Variants in ABCB5 observed in about 807,000 individuals in gnomAD.
ABCB5 encodes the protein ATP-binding cassette sub-family B member 5.
In ABCB5, 155 loss-of-function variants were observed where a neutral mutation model predicts 144.2. The observed-to-expected ratio is 1.08, with a 90% CI of 0.94 to 1.23. The LOEUF (loss-of-function observed/expected upper bound fraction) is 1.23, where lower values mean the gene tolerates loss of function less well. Among genes scored for constraint, ABCB5 ranks in the 50% most tolerant of loss-of-function variants. The pLI is 0.00. For missense variants in ABCB5, 1,830 were observed against 1,520.8 expected (o/e 1.20, Z -3.38); for synonymous variants, 610 against 528.6 (o/e 1.15, Z -2.11).
chr7:20,733,740 G>A (rs942232738), intron 23 of ABCB5, among the ~76,000 whole-genome samples: 1 of 151,712 alleles, frequency 6.6e-6, no homozygotes, highest in Non-Finnish European at 1.5e-5. Context: ...CTGGATTCAA[G>A]CAATTCTCCC....
At chr7:20,647,126 T>G (rs1180780892) in intron 9 of ABCB5, among the ~76,000 whole-genome samples, 1 of 152,178 alleles carries the variant, frequency 6.6e-6, no homozygotes, top group African/African-American at 2.4e-5. Context: ...TCTGAGCCAA[T>G]AAAATCTACT....
Position 20,699,886 on chromosome 7 carries a change from T to A in ABCB5, c.2216T>A (p.Phe739Tyr). 1 of 1,613,142 alleles carries A rather than the reference T, an allele frequency of 6.2e-7. No homozygotes were observed. Among genetic ancestry groups the A allele is most frequent in the Non-Finnish European group, 8.5e-7 (1 of 1,179,542 alleles). ...GATGCAGAAATTTATTCCATGATAT[T>A]CGTCATTTTGGGTGTTATTTGCTTT... is the stretch of plus-strand genomic sequence containing the variant. ...KHDAEIYSMI[F>Y]VILGVICFVS... The change falls in exon 18 of 28, where the codon TTC becomes TAC. Residue 739 changes from phenylalanine (F) to tyrosine (Y), a missense_variant. By Grantham distance (22) the Phe-to-Tyr change is conservative. Coordinates refer to ENST00000404938, the MANE Select transcript of ABCB5 (RefSeq NM_001163941.2).
intron 23 of ABCB5, among the ~76,000 whole-genome samples, chr7:20,733,916 A>G (rs1782304287): frequency 1.3e-5 from 2 of 152,190 alleles, no homozygotes; most frequent in Admixed American, 6.5e-5. Flanking sequence ...CTAGGATTAC[A>G]GGTGTAAGCC....
rs192724420 is a variant in ABCB5, at chr7:20,690,421, T to A, written c.2010+4585T>A. ...TGGAATTGGCTTTCTTGGAGTCCTA[T>A]GTATCATTTAGTATATTTACACATT... On this transcript the variant is annotated intron_variant, in intron 16 of 27. Transcript: ENST00000404938. Among the ~76,000 whole-genome samples, 191 of 152,348 alleles carry A rather than the reference T, an allele frequency of 1.3e-3. 2 individuals carry two copies. Among genetic ancestry groups the A allele is most frequent in the African/African-American group, 4.4e-3 (184 of 41,590 alleles).
At chr7:20,645,193 C>T (rs1311426291) in intron 7 of ABCB5, among the ~76,000 whole-genome samples, 2 of 152,162 alleles carry the variant, frequency 1.3e-5, no homozygotes, top group Non-Finnish European at 2.9e-5. Context: ...CTATTAAATA[C>T]TTGCTAAGTA....
chr7:20,638,111 G>A (rs1784205221), intron 5 of ABCB5, among the ~76,000 whole-genome samples: 1 of 152,006 alleles, frequency 6.6e-6, no homozygotes, highest in African/African-American at 2.4e-5. Flanking sequence ...ATAAGGAATA[G>A]TTTTTTAAAA....
chr7:20,649,997 A>AT lies in ABCB5; in HGVS notation c.1207-21dup, dbSNP rs761865636. 30 of 1,595,714 alleles carry AT rather than the reference A, an allele frequency of 1.9e-5. No individual in the cohort carries two copies. In the Admixed American group the frequency reaches 3.7e-4, roughly 20 times the overall value. On this transcript the variant is annotated intron_variant, in intron 11 of 27. Coordinates refer to ENST00000404938, the MANE Select transcript of ABCB5 (RefSeq NM_001163941.2). ...ATCATCTTCTTATTGTGGTTTTATGATTTTCCCTCCATACATTCCAATAGA... is the reference window on the plus strand; with the variant it reads ...ATCATCTTCTTATTGTGGTTTTATGATTTTTCCCTCCATACATTCCAATAGA...
chr7:20,750,623 T>G (rs974355174), intron 26 of ABCB5, among the ~76,000 whole-genome samples: 8 of 152,112 alleles, frequency 5.3e-5, no homozygotes, highest in African/African-American at 1.9e-4. Context: ...ATATTATCTA[T>G]TAAATATAGA....
chr7:20,620,602 T>A (rs1783788123), intron 1 of ABCB5, among the ~76,000 whole-genome samples: 2 of 151,240 alleles, frequency 1.3e-5, no homozygotes, highest in African/African-American at 4.9e-5. Flanking sequence ...TAGACATTTC[T>A]TCACAGAAGA....
intron 14 of ABCB5, among the ~76,000 whole-genome samples, chr7:20,675,035 C>G (rs1359506409): frequency 2.0e-5 from 3 of 151,854 alleles, no homozygotes; most frequent in African/African-American, 4.8e-5. Flanking sequence ...TGATCCTGAA[C>G]TGGAAGACTT....
intron 14 of ABCB5, among the ~76,000 whole-genome samples, chr7:20,660,926 C>T (rs5011448): frequency 0.11 from 16,247 of 152,114 alleles, 1,045 homozygotes; most frequent in South Asian, 0.19. Context: ...CCTGTGAAAC[C>T]AATCAATGGT....
At chr7:20,659,150 G>A in intron 14 of ABCB5, 1 of 1,613,682 alleles carries the variant, frequency 6.2e-7, no homozygotes, top group Non-Finnish European at 8.5e-7. Context: ...GACAGCTCTG[G>A]CCCCTCAAAC....
At chr7:20,734,956 C>T (rs560608895) in intron 23 of ABCB5, among the ~76,000 whole-genome samples, 1 of 152,264 alleles carries the variant, frequency 6.6e-6, no homozygotes, top group East Asian at 1.9e-4. Context: ...TTGTGTTAGT[C>T]CCTTTCGGCT....
At chr7:20,631,350 T>C (rs1479528164) in intron 4 of ABCB5, among the ~76,000 whole-genome samples, 1 of 152,120 alleles carries the variant, frequency 6.6e-6, no homozygotes, top group Non-Finnish European at 1.5e-5. Flanking sequence ...ATAAAGATCA[T>C]AAGCATTGTA....
intron 9 of ABCB5, 76 bp downstream of exon 9, chr7:20,646,214 A>T: frequency 1.4e-6 from 2 of 1,387,536 alleles, no homozygotes; most frequent in South Asian, 1.4e-5. Context: ...TTCCTCTTTG[A>T]AGATAAATAT....
chr7:20,731,423 A>G (rs1432583098), intron 23 of ABCB5, among the ~76,000 whole-genome samples: 3 of 150,290 alleles, frequency 2.0e-5, no homozygotes, highest in Non-Finnish European at 4.4e-5. Flanking sequence ...TTCAGCCAGG[A>G]CTCTGTGTGT....
intron 20 of ABCB5, among the ~76,000 whole-genome samples, 157 bp from the exon 21 acceptor site, chr7:20,722,859 G>A (rs1781916764): frequency 6.6e-6 from 1 of 152,126 alleles, no homozygotes; most frequent in Admixed American, 6.5e-5. Context: ...ATAAAAATAT[G>A]TATCTTATTT....
chr7:20,743,063 C>A lies in ABCB5; in HGVS notation c.3211C>A (p.Gln1071Lys). 1 of 1,613,916 alleles carries A rather than the reference C, an allele frequency of 6.2e-7. No individual in the cohort carries two copies. The change falls in exon 25 of 28, where the codon CAA (glutamine) becomes AAA (lysine). Residue 1071 changes from glutamine (Q) to lysine (K), a missense_variant. Physicochemically the swap from Gln to Lys is moderately conservative, Grantham distance 53 (BLOSUM62 1). Coordinates refer to ENST00000404938, the MANE Select transcript of ABCB5 (RefSeq NM_001163941.2). ...QLLQRLYDPV[Q>K]GQVLFDGVDA... is the part of the protein sequence containing the mutation. The stretch of plus-strand genomic sequence containing the variant: ...TCTGCAGAGACTTTATGACCCCGTG[C>A]AAGGACAAGTGGTAAGACAGAACTG...
Position 20,745,447 on chromosome 7 carries a change from A to C in ABCB5, c.3429+9A>C, listed in dbSNP as rs73687894. On this transcript the variant is annotated intron_variant, in intron 26 of 27. Coordinates refer to ENST00000404938, the MANE Select transcript of ABCB5 (RefSeq NM_001163941.2). ...TTGAAGGTCTCCCTGAGGTAAGAAA[A>C]TTTCTGAAATCTTGAATTATAAAGC... The C allele has an allele frequency of 1.7e-4, 281 of 1,613,750 alleles. 1 individual carries two copies. The African/African-American group carries it at 3.5e-3, about 20-fold the overall frequency.
Sources: allele counts gnomAD v4.1 joint callset (sites outside exome capture counted in the v4.1 genomes callset), GRCh38; gene constraint gnomAD v4.1.1; transcripts MANE v1.5; gene names NCBI Gene and HGNC (gene_info 2026-07-23, HGNC 2026-07-21).